The following SCMH1 variants were observed in gnomAD, a reference collection of about 807,000 sequenced individuals.
SCMH1 encodes the protein polycomb protein SCMH1.
SCMH1 carries 37 observed loss-of-function variants against 70.8 expected under a neutral mutation model. That is an observed-to-expected ratio of 0.52 (90% CI 0.40 to 0.69). The LOEUF is 0.69. Ranked by LOEUF, SCMH1 falls within the 30% of genes least tolerant of loss-of-function variation. SCMH1 has a pLI of 0.00. For missense variants in SCMH1, 607 were observed against 827.3 expected (o/e 0.73, Z 3.27); for synonymous variants, 292 against 307.4 (o/e 0.95, Z 0.52).
chr1:41,212,188 C>T (rs1045655725), intron 1 of SCMH1, among the ~76,000 whole-genome samples: 1 of 151,920 alleles, frequency 6.6e-6, no homozygotes. Context: ...CAAAACAAGT[C>T]GGGCACTTTA....
intron 6 of SCMH1, among the ~76,000 whole-genome samples, chr1:41,141,220 C>T (rs1159131449): frequency 2.0e-5 from 3 of 152,166 alleles, no homozygotes; most frequent in Non-Finnish European, 4.4e-5. Context: ...AGATTTAAAT[C>T]AGGGGCAGCA....
intron 10 of SCMH1, among the ~76,000 whole-genome samples, chr1:41,061,612 T>C (rs191647241): frequency 2.6e-5 from 4 of 152,158 alleles, no homozygotes; most frequent in Non-Finnish European, 4.4e-5. Context: ...GAGAAACAGA[T>C]AAATCCACTA....
intron 5 of SCMH1, among the ~76,000 whole-genome samples, chr1:41,147,127 A>C (rs934437620): frequency 6.6e-6 from 1 of 152,168 alleles, no homozygotes; most frequent in African/African-American, 2.4e-5. Flanking sequence ...CTCACTAATC[A>C]CTTTTATTTT....
chr1:41,095,474 A>C (rs1664821682), intron 8 of SCMH1, among the ~76,000 whole-genome samples: 1 of 152,190 alleles, frequency 6.6e-6, no homozygotes, highest in South Asian at 2.1e-4. Flanking sequence ...ACTGGGAAAA[A>C]AATTAGACAT....
At chr1:41,190,530 A>G (rs1651444522) in intron 1 of SCMH1, among the ~76,000 whole-genome samples, 1 of 152,220 alleles carries the variant, frequency 6.6e-6, no homozygotes, top group Admixed American at 6.5e-5. Context: ...CTATTGGTGA[A>G]GATACTAAAT....
chr1:41,148,665 CTGT>C (rs1644801550), intron 5 of SCMH1, among the ~76,000 whole-genome samples: 1 of 152,010 alleles, frequency 6.6e-6, no homozygotes, highest in Admixed American at 6.6e-5. Context: ...TCTCTGGCTG[CTGT>C]TGAGTTTTCT....
At chr1:41,129,639 C>T (rs1305197638) in intron 6 of SCMH1, among the ~76,000 whole-genome samples, 1 of 152,272 alleles carries the variant, frequency 6.6e-6, no homozygotes, top group Non-Finnish European at 1.5e-5. Context: ...TCCATTCTTC[C>T]ATCAACAGAC....
intron 1 of SCMH1, among the ~76,000 whole-genome samples, chr1:41,230,157 T>G (rs1002112610): frequency 3.9e-5 from 6 of 152,204 alleles, no homozygotes; most frequent in African/African-American, 1.2e-4. Flanking sequence ...AGAGATATGA[T>G]CTGATCTGTG....
chr1:41,205,302 G>A (rs1010615224), intron 1 of SCMH1, among the ~76,000 whole-genome samples: 3 of 152,230 alleles, frequency 2.0e-5, no homozygotes, highest in African/African-American at 7.2e-5. Context: ...GGGAGGCCGT[G>A]ACAGACTGCA....
Position 41,226,469 on chromosome 1 carries a change from C to T in SCMH1, c.-118+15590G>A, listed in dbSNP as rs987715720. Among the ~76,000 whole-genome samples, 5 of 151,894 alleles carry T rather than the reference C, an allele frequency of 3.3e-5. No homozygotes were observed. In the East Asian group the frequency reaches 5.8e-4, roughly 18 times the overall value. ...ATTACTTTTGTAAATGTTTAGCATCCGGCAAACAATGAATAAAGACTTTTA... is the reference window on the plus strand; with the variant it reads ...ATTACTTTTGTAAATGTTTAGCATCTGGCAAACAATGAATAAAGACTTTTA... On this transcript the variant is annotated intron_variant, in intron 1 of 14. Coordinates refer to ENST00000337495, the Ensembl canonical transcript of SCMH1.
intron 10 of SCMH1, among the ~76,000 whole-genome samples, chr1:41,049,607 A>T (rs1248501634): frequency 2.8e-5 from 4 of 142,920 alleles, no homozygotes; most frequent in African/African-American, 5.1e-5. Context: ...CGTCTCTATT[A>T]AAAAAAAAAA....
chr1:41,087,906 T>C (rs1307617454), intron 8 of SCMH1, among the ~76,000 whole-genome samples: 1 of 96,556 alleles, frequency 1.0e-5, no homozygotes, highest in Admixed American at 1.1e-4. Context: ...ATATACTATA[T>C]ATAATAATCT....
At chr1:41,210,629 T>C (rs910392507) in intron 1 of SCMH1, among the ~76,000 whole-genome samples, 1 of 152,146 alleles carries the variant, frequency 6.6e-6, no homozygotes, top group Non-Finnish European at 1.5e-5. Flanking sequence ...ATTTAATAAA[T>C]GGTGCTGGGG....
chr1:41,165,843 C>T (rs1482406462), intron 2 of SCMH1, among the ~76,000 whole-genome samples: 1 of 152,056 alleles, frequency 6.6e-6, no homozygotes, highest in African/African-American at 2.4e-5. Context: ...TGTCTCTTTC[C>T]TTCATTGTTT....
intron 4 of SCMH1, among the ~76,000 whole-genome samples, chr1:41,155,873 T>A (rs965759455): frequency 3.3e-5 from 5 of 150,456 alleles, no homozygotes; most frequent in Non-Finnish European, 5.9e-5. Flanking sequence ...TAATCCCAGC[T>A]ACTTGGGAGG....
intron 8 of SCMH1, among the ~76,000 whole-genome samples, chr1:41,111,242 G>A (rs1669173498): frequency 6.6e-6 from 1 of 152,022 alleles, no homozygotes; most frequent in South Asian, 2.1e-4. Context: ...ACCTTCTAAT[G>A]GTTCCCTAAT....
intron 2 of SCMH1, 111 bp downstream of exon 2, chr1:41,186,010 A>C: frequency 1.7e-6 from 2 of 1,159,590 alleles, no homozygotes; most frequent in African/African-American, 3.1e-5. Context: ...TCATGGCTAT[A>C]AAGAAAAGGA....
At chr1:41,030,906 CTAT>C (rs1235096027) in intron 13 of SCMH1, among the ~76,000 whole-genome samples, 1 of 152,204 alleles carries the variant, frequency 6.6e-6, no homozygotes, top group East Asian at 1.9e-4. Context: ...GACTATGTCT[CTAT>C]TGAGGCAGGG....
At chr1:41,183,719 T>C in intron 2 of SCMH1, among the ~76,000 whole-genome samples, 1 of 152,142 alleles carries the variant, frequency 6.6e-6, no homozygotes, top group Non-Finnish European at 1.5e-5. Flanking sequence ...TTACCCATAT[T>C]AAAAAGTCAG....
Sources: allele counts gnomAD v4.1 joint callset (sites outside exome capture counted in the v4.1 genomes callset), GRCh38; gene constraint gnomAD v4.1.1; transcripts MANE v1.5; gene names NCBI Gene and HGNC (gene_info 2026-07-23, HGNC 2026-07-21).